DSCAM: variants seen among roughly 807,000 people sequenced by gnomAD.
DSCAM encodes the protein cell adhesion molecule DSCAM.
Under a neutral mutation model 217.7 loss-of-function variants are expected in DSCAM, and 47 were observed. That is an observed-to-expected ratio of 0.22 (90% CI 0.17 to 0.28). The LOEUF is 0.28. DSCAM is among the 10% of genes least tolerant of loss of function. The pLI, the probability that DSCAM is intolerant of heterozygous loss-of-function variation, is 1.00. For missense variants in DSCAM, 2,080 were observed against 2,618.3 expected (o/e 0.79, Z 4.49); for synonymous variants, 1,056 against 1,015.3 (o/e 1.04, Z -0.76).
At chr21:40,793,491 TTTATTA>T (rs943968960) in intron 1 of DSCAM, among the ~76,000 whole-genome samples, 6 of 152,036 alleles carry the variant, frequency 3.9e-5, no homozygotes, top group African/African-American at 1.4e-4. Flanking sequence ...GGTGTTTTAT[TTTATTA>T]TTATTATTTT....
chr21:40,371,156 G>A (rs1226981767), intron 3 of DSCAM, among the ~76,000 whole-genome samples: 4 of 152,072 alleles, frequency 2.6e-5, no homozygotes, highest in Non-Finnish European at 4.4e-5. Context: ...TTTAAAATAT[G>A]CCATAAATAA....
At chr21:40,376,649 GATATCTATATATCTTATATAGATATCT>G (rs1569093212) in intron 3 of DSCAM, among the ~76,000 whole-genome samples, 1 of 52,924 alleles carries the variant, frequency 1.9e-5, no homozygotes, top group Non-Finnish European at 4.2e-5. Flanking sequence ...TATAGATATC[GATATCTATATATCTTATATAGATATCT>G]ATATATCATA....
At chr21:40,711,692 C>T (rs1001787145) in intron 1 of DSCAM, among the ~76,000 whole-genome samples, 1 of 152,204 alleles carries the variant, frequency 6.6e-6, no homozygotes, top group Non-Finnish European at 1.5e-5. Context: ...TTGTCTGAGG[C>T]CTGCAGGGAA....
chr21:40,275,729 C>A (rs778826598), intron 11 of DSCAM, among the ~76,000 whole-genome samples: 13 of 152,086 alleles, frequency 8.5e-5, no homozygotes, highest in Non-Finnish European at 5.9e-5. Flanking sequence ...CATCTGAGAC[C>A]ATGTATTGAG....
intron 1 of DSCAM, among the ~76,000 whole-genome samples, chr21:40,824,696 A>C (rs986724563): frequency 1.3e-5 from 2 of 151,926 alleles, no homozygotes; most frequent in African/African-American, 4.8e-5. Context: ...GATTACAGGC[A>C]CCACCTCGCC....
chr21:40,653,657 G>A (rs2090040827), intron 3 of DSCAM, among the ~76,000 whole-genome samples: 1 of 152,136 alleles, frequency 6.6e-6, no homozygotes, highest in Admixed American at 6.5e-5. Context: ...GACACAGAGT[G>A]GAGAAGACCC....
At chr21:40,432,211 A>ATAAATAAATAAAT (rs377527411) in intron 3 of DSCAM, among the ~76,000 whole-genome samples, 2 of 46,794 alleles carry the variant, frequency 4.3e-5, no homozygotes, top group African/African-American at 1.2e-4. Flanking sequence ...ATAATAATAA[A>ATAAATAAATAAAT]AAATAAATAT....
At chr21:40,564,409 A>G (rs1164265464) in intron 3 of DSCAM, among the ~76,000 whole-genome samples, 1 of 152,198 alleles carries the variant, frequency 6.6e-6, no homozygotes, top group Non-Finnish European at 1.5e-5. Flanking sequence ...TGTTCTGACT[A>G]TGCACACAAA....
intron 24 of DSCAM, among the ~76,000 whole-genome samples, chr21:40,080,913 C>T (rs1228755563): frequency 3.9e-5 from 6 of 152,210 alleles, no homozygotes; most frequent in Non-Finnish European, 7.3e-5. Flanking sequence ...TTCATTCCCC[C>T]ACATGAGCAC....
intron 11 of DSCAM, among the ~76,000 whole-genome samples, chr21:40,247,670 C>G (rs190674576): frequency 1.8e-4 from 27 of 152,294 alleles, no homozygotes; most frequent in Admixed American, 1.6e-3. Flanking sequence ...CTTTCATGGG[C>G]TGGTGTTGAA....
intron 15 of DSCAM, among the ~76,000 whole-genome samples, chr21:40,171,223 G>A (rs2090653733): frequency 6.6e-6 from 1 of 152,132 alleles, no homozygotes; most frequent in African/African-American, 2.4e-5. Context: ...GATTACAGGT[G>A]TGTGCCACCA....
At chr21:40,389,001 T>C (rs543945532) in intron 3 of DSCAM, among the ~76,000 whole-genome samples, 9 of 152,268 alleles carry the variant, frequency 5.9e-5, no homozygotes, top group African/African-American at 2.2e-4. Flanking sequence ...GGATACAATA[T>C]GGTAAGTTTA....
chr21:40,520,888 G>A (rs2076353721), intron 3 of DSCAM, among the ~76,000 whole-genome samples: 1 of 152,156 alleles, frequency 6.6e-6, no homozygotes, highest in Non-Finnish European at 1.5e-5. Context: ...TTGTATTTGA[G>A]TTAGCACATG....
At chr21:40,637,124 TATATAA>T (rs1377736709) in intron 3 of DSCAM, among the ~76,000 whole-genome samples, 5 of 32,666 alleles carry the variant, frequency 1.5e-4, no homozygotes, top group East Asian at 1.5e-3. Context: ...TATATATATA[TATATAA>T]ATATATAAAT....
intron 3 of DSCAM, among the ~76,000 whole-genome samples, chr21:40,619,606 G>T (rs1001781556): frequency 3.9e-5 from 6 of 152,064 alleles, no homozygotes; most frequent in African/African-American, 1.4e-4. Flanking sequence ...ATCCACTCTG[G>T]CTTGAGTTGA....
At chr21:40,823,620 T>G (rs1443527193) in intron 1 of DSCAM, among the ~76,000 whole-genome samples, 1 of 152,204 alleles carries the variant, frequency 6.6e-6, no homozygotes, top group Non-Finnish European at 1.5e-5. Flanking sequence ...GAACCAAAAT[T>G]GATCCCAATG....
At chr21:40,669,095 C>T (rs1284910517) in intron 3 of DSCAM, among the ~76,000 whole-genome samples, 1 of 152,094 alleles carries the variant, frequency 6.6e-6, no homozygotes, top group Non-Finnish European at 1.5e-5. Context: ...AGTCGGTGGT[C>T]ACTAAATATT....
intron 32 of DSCAM, among the ~76,000 whole-genome samples, chr21:40,014,450 C>T (rs2088120730): frequency 6.6e-6 from 1 of 152,116 alleles, no homozygotes. Context: ...AAACCAAGAG[C>T]ATCTGCTGCA....
At chr21:40,179,924 A>G (rs1335225744) in intron 14 of DSCAM, among the ~76,000 whole-genome samples, 4 of 152,178 alleles carry the variant, frequency 2.6e-5, no homozygotes, top group Non-Finnish European at 4.4e-5. Flanking sequence ...TGGGGATGAA[A>G]AAAGGAGGGC....
Sources: allele counts gnomAD v4.1 joint callset (sites outside exome capture counted in the v4.1 genomes callset), GRCh38; gene constraint gnomAD v4.1.1; transcripts MANE v1.5; gene names NCBI Gene and HGNC (gene_info 2026-07-23, HGNC 2026-07-21).